The following RABEP2 variants were observed in gnomAD, a reference collection of about 807,000 sequenced individuals.
RABEP2 encodes rab GTPase-binding effector protein 2.
Under a neutral mutation model 74.1 loss-of-function variants are expected in RABEP2, and 57 were observed. That is an observed-to-expected ratio of 0.77 (90% CI 0.62 to 0.96). RABEP2 has a LOEUF of 0.96. Among genes scored for constraint, RABEP2 ranks in the 40% least tolerant of loss-of-function variants. The pLI is 0.00. For missense variants in RABEP2, 692 were observed against 756.3 expected (o/e 0.91, Z 1.00); for synonymous variants, 351 against 344.0 (o/e 1.02, Z -0.23).
Position 28,924,535 on chromosome 16 carries a change from C to T in RABEP2, c.142G>A (p.Ala48Thr), listed in dbSNP as rs773512119. Reference sequence around the variant, plus strand: ...GTTTCCATTTCTGCCAGGGCGCCTGCCAGCTCAGCCCGAAGCCGGCTGAGC... The same window carrying T: ...GTTTCCATTTCTGCCAGGGCGCCTGTCAGCTCAGCCCGAAGCCGGCTGAGC... ...GELSRLRAEL[A>T]GALAEMETMK... Residue 48 changes from alanine (A) to threonine (T), a missense_variant, in exon 2 of 13, where the codon GCA (alanine) becomes ACA (threonine). By Grantham distance (58) the Ala-to-Thr change is moderately conservative. Transcript: ENST00000358201. 1.2e-6 allele frequency: 2 copies of T among 1,613,974 alleles called. No individual in the cohort carries two copies. The highest frequency in any genetic ancestry group is 1.7e-6 in the Non-Finnish European group (2 of 1,180,018).
chr16:28,905,671 C>G (rs567596624), intron 11 of RABEP2, 33 bp downstream of exon 11: 4 of 1,610,274 alleles, frequency 2.5e-6, no homozygotes, highest in African/African-American at 2.7e-5. Flanking sequence ...AGCTGGGTCC[C>G]TCTCCTCCCA....
chr16:28,907,866 T>C (rs1316143876), intron 8 of RABEP2, among the ~76,000 whole-genome samples: 1 of 152,094 alleles, frequency 6.6e-6, no homozygotes, highest in East Asian at 1.9e-4. Flanking sequence ...ATGGCGCGAT[T>C]TCGGCTCACT....
intron 5 of RABEP2, among the ~76,000 whole-genome samples, chr16:28,912,466 T>C (rs1964328628): frequency 6.8e-6 from 1 of 147,902 alleles, no homozygotes; most frequent in African/African-American, 2.5e-5. Flanking sequence ...TGGAGTGCAG[T>C]GGCGCACGAT....
chr16:28,912,233 C>G (rs1463291101), intron 5 of RABEP2, among the ~76,000 whole-genome samples: 1 of 149,982 alleles, frequency 6.7e-6, no homozygotes, highest in Non-Finnish European at 1.5e-5. Flanking sequence ...GGTGACACAG[C>G]GAGACTCCAT....
rs776735182 is a variant in RABEP2, at chr16:28,905,059, G to A, written c.1609-15C>T. On this transcript the variant is annotated splice_polypyrimidine_tract_variant and intron_variant, in intron 12 of 12. Coordinates refer to ENST00000358201, the MANE Select transcript of RABEP2 (RefSeq NM_024816.3). ...TCTAGGCGCACCTGCCGGATCGGAC[G>A]AGGGGAGCAGAGTGCACTTGTGGGG... The A allele has an allele frequency of 2.5e-5, 40 of 1,586,538 alleles. No homozygotes were observed. The highest frequency in any genetic ancestry group is 6.7e-5 in the East Asian group (3 of 44,526).
chr16:28,906,912 T>C (rs1964242687), intron 8 of RABEP2, among the ~76,000 whole-genome samples: 2 of 152,108 alleles, frequency 1.3e-5, no homozygotes, highest in South Asian at 2.1e-4. Flanking sequence ...TGAATCGAGA[T>C]GGTGCCACTG....
intron 1 of RABEP2, 28 bp from the exon 2 acceptor site, chr16:28,924,643 T>C: frequency 6.3e-7 from 1 of 1,590,712 alleles, no homozygotes. Context: ...CAGCCTCTCT[T>C]CCCATCTCTT....
intron 2 of RABEP2, among the ~76,000 whole-genome samples, chr16:28,922,329 C>T (rs1235498258): frequency 6.6e-6 from 1 of 152,112 alleles, no homozygotes; most frequent in African/African-American, 2.4e-5. Flanking sequence ...GCTCACGCCT[C>T]TAATTCCAGC....
At chr16:28,906,482 T>C (rs1171677218) in intron 8 of RABEP2, among the ~76,000 whole-genome samples, 2 of 152,032 alleles carry the variant, frequency 1.3e-5, no homozygotes, top group East Asian at 1.9e-4. Context: ...CAAGAGCCCC[T>C]TGCCGGGCGC....
chr16:28,909,434 C>T (rs1223145261), intron 7 of RABEP2, among the ~76,000 whole-genome samples: 1 of 152,062 alleles, frequency 6.6e-6, no homozygotes, highest in Non-Finnish European at 1.5e-5. Flanking sequence ...AGAGACAAGC[C>T]AGGCGTGGTG....
chr16:28,919,956 A>C lies in RABEP2; in HGVS notation c.275-13T>G. The C allele has an allele frequency of 3.4e-6, 2 of 587,810 alleles. No homozygotes were observed. Among genetic ancestry groups the C allele is most frequent in the Non-Finnish European group, 5.9e-6 (2 of 340,930 alleles). 36.4% of individuals were successfully genotyped at this position (587,810 alleles called of 1,614,324 possible). A position where few individuals can be genotyped will look rare whatever the true frequency, so the allele number is the denominator to read the frequency against. ...CTGCTGATGGAGTCTGGTGGGGGAG[A>C]GGGAGGGTGGGAGAGAGGGAGGGTC... On this transcript the variant is annotated splice_polypyrimidine_tract_variant and intron_variant, in intron 2 of 12. Coordinates refer to ENST00000358201, the MANE Select transcript of RABEP2 (RefSeq NM_024816.3).
chr16:28,908,001 T>C (rs144876753), intron 8 of RABEP2, among the ~76,000 whole-genome samples: 7,903 of 152,240 alleles, frequency 0.052, 711 homozygotes, highest in African/African-American at 0.18. Flanking sequence ...GGTTTTGCCA[T>C]GTTGGGCAGG....
intron 1 of RABEP2, 163 bp from the exon 2 acceptor site, chr16:28,924,778 C>G (rs1964511966): frequency 2.8e-6 from 2 of 706,724 alleles, no homozygotes; most frequent in Admixed American, 2.1e-5. Context: ...CCTTCCCACT[C>G]GCTCTGCCGG....
At chr16:28,924,959 G>A in intron 1 of RABEP2, 144 bp downstream of exon 1, 2 of 1,029,370 alleles carry the variant, frequency 1.9e-6, no homozygotes, top group Non-Finnish European at 2.9e-6. Context: ...TTTTGCCTGT[G>A]GCTGTAGGCC....
chr16:28,907,052 G>T (rs1051737705), intron 8 of RABEP2, among the ~76,000 whole-genome samples: 1 of 151,910 alleles, frequency 6.6e-6, no homozygotes, highest in Non-Finnish European at 1.5e-5. Flanking sequence ...AAACACCGAA[G>T]ACCGCAAGGG....
chr16:28,913,055 TG>T (rs1964335736), intron 5 of RABEP2, among the ~76,000 whole-genome samples: 1 of 152,038 alleles, frequency 6.6e-6, no homozygotes, highest in African/African-American at 2.4e-5. Flanking sequence ...TTCTGCCTCC[TG>T]GGTTCAAGCG....
intron 7 of RABEP2, among the ~76,000 whole-genome samples, chr16:28,909,249 G>T (rs1184805607): frequency 6.6e-6 from 1 of 151,772 alleles, no homozygotes. Context: ...GCTAATATTT[G>T]TACTTTTAGT....
rs759663244 is a variant in RABEP2 at position 28,924,466 on chromosome 16, C to T, written c.211G>A (p.Ala71Thr). The change falls in exon 2 of 13, where the codon GCT becomes ACT. Residue 71 changes from alanine to threonine, a missense_variant. Coordinates refer to ENST00000358201, the MANE Select transcript of RABEP2 (RefSeq NM_024816.3). ...AEVSESTKAE[A>T]VAAVQRQCQE... ...CACTGCCGCTGCACCGCAGCCACAG[C>T]CTCGGCCTTCGTGCTCTCGCTCACC... 7 of 1,613,870 alleles carry T rather than the reference C, an allele frequency of 4.3e-6. No homozygotes were observed. Among genetic ancestry groups the T allele is most frequent in the Non-Finnish European group, 5.9e-6 (7 of 1,180,028 alleles).
chr16:28,907,459 ATATTTT>A (rs972570912), intron 8 of RABEP2, among the ~76,000 whole-genome samples: 56 of 151,824 alleles, frequency 3.7e-4, no homozygotes, highest in African/African-American at 1.3e-3. Flanking sequence ...AGCCCAGCTA[ATATTTT>A]TATTTTTATT....
Sources: allele counts gnomAD v4.1 joint callset (sites outside exome capture counted in the v4.1 genomes callset), GRCh38; gene constraint gnomAD v4.1.1; transcripts MANE v1.5; gene names NCBI Gene and HGNC (gene_info 2026-07-23, HGNC 2026-07-21).